CADM1: variants seen among roughly 807,000 people sequenced by gnomAD.
The protein encoded by CADM1 is cell adhesion molecule 1, also known as TSLC-1.
CADM1 carries 15 observed loss-of-function variants against 53.1 expected under a neutral mutation model. The ratio of observed to expected loss-of-function variants is 0.28; its 90% CI spans 0.19 to 0.44. The LOEUF is 0.44. Among genes scored for constraint, CADM1 ranks in the 20% least tolerant of loss-of-function variants. CADM1 has a pLI of 1.00. For missense variants in CADM1, 434 were observed against 611.3 expected (o/e 0.71, Z 3.06); for synonymous variants, 281 against 243.0 (o/e 1.16, Z -1.45).
chr11:115,400,480 GA>G (rs1473659687), intron 1 of CADM1, among the ~76,000 whole-genome samples: 3 of 148,700 alleles, frequency 2.0e-5, no homozygotes, highest in Non-Finnish European at 4.4e-5. Context: ...ACAGCCAATG[GA>G]AAAAAATTAA....
At chr11:115,478,535 C>T (rs1949186873) in intron 1 of CADM1, among the ~76,000 whole-genome samples, 2 of 152,112 alleles carry the variant, frequency 1.3e-5, no homozygotes, top group African/African-American at 4.8e-5. Flanking sequence ...TTCAACTGAT[C>T]TTTTTAGACC....
intron 1 of CADM1, among the ~76,000 whole-genome samples, chr11:115,276,164 T>G (rs1321499733): frequency 2.6e-5 from 4 of 152,368 alleles, no homozygotes; most frequent in Non-Finnish European, 5.9e-5. Context: ...ATTTATTAAT[T>G]TCGCATCTCT....
intron 1 of CADM1, among the ~76,000 whole-genome samples, chr11:115,470,333 T>C (rs897415098): frequency 8.5e-5 from 13 of 152,212 alleles, no homozygotes; most frequent in Non-Finnish European, 4.4e-5. Context: ...TCTTCAATAA[T>C]ACTGATTAAA....
At chr11:115,445,889 C>G in intron 1 of CADM1, 1 of 371,270 alleles carries the variant, frequency 2.7e-6, no homozygotes, top group Non-Finnish European at 5.5e-6. Flanking sequence ...TAACAATGTA[C>G]TGCTTTAAGA....
At chr11:115,205,634 A>G (rs909707253) in intron 8 of CADM1, among the ~76,000 whole-genome samples, 6 of 152,212 alleles carry the variant, frequency 3.9e-5, no homozygotes, top group Non-Finnish European at 7.3e-5. Context: ...ACATGACAGC[A>G]TATGTCTTCA....
At chr11:115,289,226 G>A (rs914794434) in intron 1 of CADM1, among the ~76,000 whole-genome samples, 9 of 152,016 alleles carry the variant, frequency 5.9e-5, no homozygotes, top group African/African-American at 2.2e-4. Context: ...TTAGCCGGGT[G>A]TGGTGGTGGG....
rs12277706 is a variant in CADM1 at position 115,329,545 on chromosome 11, C to A, written c.125-89125G>T. 5.1e-3 allele frequency among the ~76,000 whole-genome samples: 780 copies of A among 152,172 alleles called. 9 individuals are homozygous for A. The highest frequency in any genetic ancestry group is 0.018 in the African/African-American group (748 of 41,518). ...GCACACAGAAGGGCAGGTGCAGGAGCCGGGGAGAGCACTTTTGGGAGCTGA... is the reference window on the plus strand; with the variant it reads ...GCACACAGAAGGGCAGGTGCAGGAGACGGGGAGAGCACTTTTGGGAGCTGA... On this transcript the variant is annotated intron_variant, in intron 1 of 11. Coordinates refer to ENST00000331581, the MANE Select transcript of CADM1 (RefSeq NM_001301043.2).
Position 115,244,066 on chromosome 11 carries a change from G to A in CADM1, c.125-3646C>T, listed in dbSNP as rs184691775. ...GCAACTATATTCCCTATAACTCCCC[G>A]ATTTGCCAGACGATTCCTAAAAATA... is the stretch of plus-strand genomic sequence containing the variant. On this transcript the variant is annotated intron_variant, in intron 1 of 11. Coordinates refer to ENST00000331581, the MANE Select transcript of CADM1 (RefSeq NM_001301043.2). Among the ~76,000 whole-genome samples, 24 of 152,300 alleles carry A rather than the reference G, an allele frequency of 1.6e-4. 1 individual carries two copies. The East Asian group carries it at 4.0e-3, about 26-fold the overall frequency.
chr11:115,316,868 G>C (rs780944268), intron 1 of CADM1, among the ~76,000 whole-genome samples: 1 of 152,138 alleles, frequency 6.6e-6, no homozygotes, highest in African/African-American at 2.4e-5. Flanking sequence ...AAAATGCAAC[G>C]TGCTATACTG....
intron 9 of CADM1, among the ~76,000 whole-genome samples, chr11:115,196,137 A>AC (rs1330379829): frequency 6.6e-6 from 1 of 152,128 alleles, no homozygotes; most frequent in Non-Finnish European, 1.5e-5. Context: ...CTCACAGTAC[A>AC]CAAACACCTC....
chr11:115,341,227 T>G (rs948858857), intron 1 of CADM1, among the ~76,000 whole-genome samples: 53 of 152,184 alleles, frequency 3.5e-4, no homozygotes, highest in Admixed American at 1.2e-3. Flanking sequence ...TAACAAATAT[T>G]TCTTGAGTAT....
chr11:115,336,190 A>G (rs1945262820), intron 1 of CADM1, among the ~76,000 whole-genome samples: 1 of 152,150 alleles, frequency 6.6e-6, no homozygotes, highest in Non-Finnish European at 1.5e-5. Context: ...GAATACAATG[A>G]CTTCTAGGAC....
At chr11:115,351,549 A>G (rs1237311887) in intron 1 of CADM1, among the ~76,000 whole-genome samples, 1 of 152,218 alleles carries the variant, frequency 6.6e-6, no homozygotes. Context: ...CGAGCAATGA[A>G]GTCTTCAGAT....
chr11:115,174,518 G>A lies in CADM1; in HGVS notation c.*1956C>T, dbSNP rs978974890. ...GGTAAATAAAATGCTGCTCGATAATGGATTTTCTTTTACATACCAGTCCGT... is the reference window on the plus strand; with the variant it reads ...GGTAAATAAAATGCTGCTCGATAATAGATTTTCTTTTACATACCAGTCCGT... On this transcript the variant is annotated 3_prime_UTR_variant, in exon 12 of 12. Coordinates refer to ENST00000331581, the MANE Select transcript of CADM1 (RefSeq NM_001301043.2). The A allele has an allele frequency of 3.9e-5, 38 of 985,442 alleles. No homozygotes were observed. Among genetic ancestry groups the A allele is most frequent in the Non-Finnish European group, 4.5e-5 (37 of 829,854 alleles). 61.0% of individuals were successfully genotyped at this position (985,442 alleles called of 1,614,324 possible).
chr11:115,218,564 T>C (rs1941281629), intron 5 of CADM1, among the ~76,000 whole-genome samples: 1 of 152,170 alleles, frequency 6.6e-6, no homozygotes, highest in Non-Finnish European at 1.5e-5. Context: ...TGACATTTAC[T>C]CAGCATCTAC....
chr11:115,227,448 G>A (rs1941652763), intron 5 of CADM1, among the ~76,000 whole-genome samples: 1 of 152,064 alleles, frequency 6.6e-6, no homozygotes, highest in African/African-American at 2.4e-5. Flanking sequence ...GTTTAGGGGT[G>A]GAAACTGGGT....
At chr11:115,367,374 G>GT (rs912974618) in intron 1 of CADM1, among the ~76,000 whole-genome samples, 3 of 152,208 alleles carry the variant, frequency 2.0e-5, no homozygotes, top group African/African-American at 7.2e-5. Context: ...CATGGAATTA[G>GT]TTTTTGTACA....
intron 1 of CADM1, among the ~76,000 whole-genome samples, chr11:115,489,301 G>A (rs777842099): frequency 3.3e-5 from 5 of 152,086 alleles, no homozygotes; most frequent in Non-Finnish European, 5.9e-5. Flanking sequence ...CATTATGGGA[G>A]AACAAACAAC....
intron 4 of CADM1, among the ~76,000 whole-genome samples, chr11:115,230,054 T>A (rs1455802199): frequency 1.3e-5 from 2 of 152,226 alleles, no homozygotes; most frequent in East Asian, 1.9e-4. Flanking sequence ...TTTCTTTTAA[T>A]GTTTTGTACT....
Sources: allele counts gnomAD v4.1 joint callset (sites outside exome capture counted in the v4.1 genomes callset), GRCh38; gene constraint gnomAD v4.1.1; transcripts MANE v1.5; gene names NCBI Gene and HGNC (gene_info 2026-07-23, HGNC 2026-07-21).